Variants in FOXJ3 observed in about 807,000 individuals in gnomAD.
FOXJ3 encodes forkhead box protein J3.
FOXJ3 carries 22 observed loss-of-function variants against 76.1 expected under a neutral mutation model. The ratio of observed to expected loss-of-function variants is 0.29; its 90% CI spans 0.21 to 0.41. FOXJ3 has a LOEUF of 0.41. FOXJ3 is among the 10% of genes least tolerant of loss of function. The pLI, the probability that FOXJ3 is intolerant of heterozygous loss-of-function variation, is 1.00. For missense variants in FOXJ3, 613 were observed against 762.1 expected (o/e 0.80, Z 2.30); for synonymous variants, 269 against 261.2 (o/e 1.03, Z -0.29).
rs180979516 is a variant in FOXJ3 at position 42,328,037 on chromosome 1, C to T, written c.-18+7022G>A. On this transcript the variant is annotated intron_variant, in intron 1 of 12. Transcript: ENST00000361346. ...CCAGGCCAGGCCTGGTGGCTCACGC[C>T]TGCAATCCCAGCACTTTGGGGGACC... Among the ~76,000 whole-genome samples, 4 of 152,300 alleles carry T rather than the reference C, an allele frequency of 2.6e-5. No homozygotes were observed. In the East Asian group the frequency reaches 7.7e-4, roughly 29 times the overall value.
intron 2 of FOXJ3, among the ~76,000 whole-genome samples, chr1:42,298,641 AT>A (rs1374796287): frequency 1.3e-5 from 2 of 151,326 alleles, no homozygotes; most frequent in African/African-American, 4.9e-5. Context: ...CCTTTGTATC[AT>A]TTTTTTATCT....
At chr1:42,224,585 C>G (rs945767051) in intron 5 of FOXJ3, among the ~76,000 whole-genome samples, 3 of 151,784 alleles carry the variant, frequency 2.0e-5, no homozygotes, top group Non-Finnish European at 2.9e-5. Context: ...ACCCAGGAGG[C>G]AGAGGTTGCA....
intron 2 of FOXJ3, among the ~76,000 whole-genome samples, chr1:42,295,381 T>G (rs889398142): frequency 6.6e-6 from 1 of 152,220 alleles, no homozygotes; most frequent in African/African-American, 2.4e-5. Flanking sequence ...GAAAAGTACA[T>G]GATTTCATTC....
chr1:42,237,019 TTA>T (rs1257811694), intron 4 of FOXJ3, among the ~76,000 whole-genome samples: 3 of 152,122 alleles, frequency 2.0e-5, no homozygotes. Context: ...GCTATTTCTG[TTA>T]TTAGACTTTT....
intron 6 of FOXJ3, among the ~76,000 whole-genome samples, chr1:42,205,043 A>G (rs1356407994): frequency 6.6e-6 from 1 of 152,188 alleles, no homozygotes; most frequent in East Asian, 1.9e-4. Flanking sequence ...CAAGACTGAA[A>G]GAGAATCTAA....
chr1:42,239,798 T>C (rs1386996869), intron 4 of FOXJ3, among the ~76,000 whole-genome samples: 2 of 152,182 alleles, frequency 1.3e-5, no homozygotes, highest in African/African-American at 4.8e-5. Flanking sequence ...CCTGTTTAGA[T>C]TTATAAATTC....
chr1:42,203,812 A>G (rs866449508), intron 6 of FOXJ3, among the ~76,000 whole-genome samples: 9 of 152,194 alleles, frequency 5.9e-5, no homozygotes, highest in African/African-American at 1.9e-4. Flanking sequence ...CCTGGCCAAC[A>G]TGGTGGAACC....
chr1:42,232,875 A>T (rs1388349740), intron 4 of FOXJ3, among the ~76,000 whole-genome samples: 128 of 152,284 alleles, frequency 8.4e-4, no homozygotes, highest in East Asian at 2.9e-3. Flanking sequence ...TGCCCATGCC[A>T]ATGTCCTGAA....
chr1:42,182,651 C>A (rs1294267516), intron 11 of FOXJ3, among the ~76,000 whole-genome samples: 1 of 152,146 alleles, frequency 6.6e-6, no homozygotes, highest in African/African-American at 2.4e-5. Context: ...GCGTGCACTA[C>A]CACGCCTGGC....
intron 2 of FOXJ3, among the ~76,000 whole-genome samples, chr1:42,304,058 C>T (rs1252978105): frequency 2.0e-5 from 3 of 151,964 alleles, no homozygotes; most frequent in African/African-American, 7.2e-5. Context: ...CTAGAACGGA[C>T]AGCTGCAGGA....
intron 1 of FOXJ3, among the ~76,000 whole-genome samples, chr1:42,323,407 G>T (rs1655548534): frequency 6.6e-6 from 1 of 152,102 alleles, no homozygotes; most frequent in Non-Finnish European, 1.5e-5. Context: ...AAGTGCTGGG[G>T]ATACAACAAC....
Position 42,227,946 on chromosome 1 carries a change from G to A in FOXJ3, c.465C>T (p.Asp155=). The A allele has an allele frequency of 1.3e-6, 2 of 1,568,688 alleles. No individual in the cohort carries two copies. Among genetic ancestry groups the A allele is most frequent in the Admixed American group, 1.7e-5 (1 of 59,244 alleles). The change falls in exon 5 of 13, where the codon GAC becomes GAT. Residue 155 remains aspartate (D), a synonymous_variant. Coordinates refer to ENST00000361346, the MANE Select transcript of FOXJ3 (RefSeq NM_014947.5). Reference sequence around the variant, plus strand: ...GCAGCACATCTTCCTTCGGATTGGTGTCTATTGCCCAGTAGGACCCCTAGA... The same window carrying A: ...GCAGCACATCTTCCTTCGGATTGGTATCTATTGCCCAGTAGGACCCCTAGA... The part of the protein sequence containing the change: ...DPGKGSYWAI[D]TNPKEDVLPT...
intron 3 of FOXJ3, among the ~76,000 whole-genome samples, chr1:42,270,695 C>T (rs995186805): frequency 6.6e-6 from 1 of 152,070 alleles, no homozygotes; most frequent in African/African-American, 2.4e-5. Flanking sequence ...GCCTTAAAAA[C>T]ACCGTCCCCA....
intron 4 of FOXJ3, among the ~76,000 whole-genome samples, chr1:42,230,754 T>C (rs960999827): frequency 1.3e-5 from 2 of 150,464 alleles, no homozygotes; most frequent in African/African-American, 2.4e-5. Flanking sequence ...GCACTACTGA[T>C]AGAAATGTGT....
At chr1:42,249,297 G>A (rs1649824071) in intron 4 of FOXJ3, among the ~76,000 whole-genome samples, 3 of 152,058 alleles carry the variant, frequency 2.0e-5, no homozygotes, top group Non-Finnish European at 4.4e-5. Flanking sequence ...TGGGTATAAG[G>A]CTCCTGATTT....
chr1:42,260,519 A>G (rs1471222494), intron 4 of FOXJ3, among the ~76,000 whole-genome samples: 4 of 152,082 alleles, frequency 2.6e-5, no homozygotes, highest in Non-Finnish European at 4.4e-5. Context: ...CAGGCAACAT[A>G]GTGAGAACTC....
At chr1:42,229,885 A>T (rs976052698) in intron 4 of FOXJ3, among the ~76,000 whole-genome samples, 2 of 152,234 alleles carry the variant, frequency 1.3e-5, no homozygotes, top group Non-Finnish European at 2.9e-5. Context: ...TTTTCATAGA[A>T]ATGACAAATT....
At chr1:42,245,477 CA>C (rs1450654112) in intron 4 of FOXJ3, among the ~76,000 whole-genome samples, 4 of 152,084 alleles carry the variant, frequency 2.6e-5, no homozygotes, top group African/African-American at 9.7e-5. Context: ...ACACCATGCC[CA>C]AGTGGAATTT....
chr1:42,184,237 C>G (rs145715905), intron 11 of FOXJ3, among the ~76,000 whole-genome samples: 10 of 152,192 alleles, frequency 6.6e-5, no homozygotes, highest in African/African-American at 2.4e-4. Flanking sequence ...AGCTCTCACT[C>G]TACACATCTT....
Sources: allele counts gnomAD v4.1 joint callset (sites outside exome capture counted in the v4.1 genomes callset), GRCh38; gene constraint gnomAD v4.1.1; transcripts MANE v1.5; gene names NCBI Gene and HGNC (gene_info 2026-07-23, HGNC 2026-07-21).